The following ARHGAP5 variants were observed in gnomAD, a reference collection of about 807,000 sequenced individuals.
The protein encoded by ARHGAP5 is Rho GTPase activating protein 5.
ARHGAP5 carries 23 observed loss-of-function variants against 116.6 expected under a neutral mutation model. The ratio of observed to expected loss-of-function variants is 0.20; its 90% CI spans 0.14 to 0.28. The LOEUF (loss-of-function observed/expected upper bound fraction) is 0.28, where lower values mean the gene tolerates loss of function less well. Ranked by LOEUF, ARHGAP5 falls within the 10% of genes least tolerant of loss-of-function variation. ARHGAP5 has a pLI of 1.00. For missense variants in ARHGAP5, 1,405 were observed against 1,774.8 expected (o/e 0.79, Z 3.74); for synonymous variants, 574 against 602.0 (o/e 0.95, Z 0.68).
At chr14:32,087,627 A>T (rs991233172) in intron 1 of ARHGAP5, among the ~76,000 whole-genome samples, 22 of 151,998 alleles carry the variant, frequency 1.4e-4, no homozygotes, top group Non-Finnish European at 2.4e-4. Context: ...TTTCTGTCAC[A>T]GTTTGAAAAT....
At chr14:32,139,359 G>A (rs1880977252) in intron 3 of ARHGAP5, among the ~76,000 whole-genome samples, 2 of 151,770 alleles carry the variant, frequency 1.3e-5, no homozygotes, top group Admixed American at 6.6e-5. Context: ...TTGTTTTTGT[G>A]AGCTTTTGAT....
chr14:32,152,425 A>G lies in ARHGAP5; in HGVS notation c.4078A>G (p.Ile1360Val). The change falls in exon 6 of 7, where the codon ATC (isoleucine) becomes GTC (valine). Residue 1360 changes from isoleucine to valine, a missense_variant and splice_region_variant. Around this residue, in one of 6 missense-constraint regions of ARHGAP5, gnomAD observed 176 missense variants for 221.2 expected, o/e 0.80. Coordinates refer to ENST00000345122, the MANE Select transcript of ARHGAP5 (RefSeq NM_001030055.2). Reference protein sequence around the residue: ...LHPELLEAAKIPDKTERLHAL... With the variant: ...LHPELLEAAKVPDKTERLHAL... Reference sequence around the variant, plus strand: ...TCTTCACTGTTTTAATTTTACAGAAATCCCGGATAAAACAGAACGTCTTCA... The same window carrying G: ...TCTTCACTGTTTTAATTTTACAGAAGTCCCGGATAAAACAGAACGTCTTCA... 6.3e-7 allele frequency: 1 copy of G among 1,587,224 alleles called. No homozygotes were observed. Among genetic ancestry groups the G allele is most frequent in the Non-Finnish European group, 8.6e-7 (1 of 1,167,442 alleles).
intron 1 of ARHGAP5, among the ~76,000 whole-genome samples, chr14:32,080,047 C>T (rs1467106662): frequency 6.6e-6 from 1 of 152,094 alleles, no homozygotes; most frequent in Non-Finnish European, 1.5e-5. Flanking sequence ...TTTGAGTAAT[C>T]AGGCTCTTGT....
chr14:32,088,283 C>T (rs1265461818), intron 1 of ARHGAP5, among the ~76,000 whole-genome samples: 3 of 151,800 alleles, frequency 2.0e-5, no homozygotes, highest in Non-Finnish European at 4.4e-5. Flanking sequence ...TTTTACTGTA[C>T]TGTAAAAATT....
At chr14:32,119,671 GTACTC>G (rs1158869946) in intron 3 of ARHGAP5, among the ~76,000 whole-genome samples, 3 of 152,104 alleles carry the variant, frequency 2.0e-5, no homozygotes, top group Admixed American at 6.5e-5. Context: ...GGTTGAGAAA[GTACTC>G]TAACATTCCT....
At position 32,080,775 on chromosome 14, in the gene ARHGAP5, AT is replaced by A. The variant is rs113428317; in HGVS notation, c.-169+3350del. 1.0e-2 allele frequency among the ~76,000 whole-genome samples: 1,500 copies of A among 150,388 alleles called. 10 individuals are homozygous for A. Among genetic ancestry groups the A allele is most frequent in the African/African-American group, 0.018 (753 of 40,884 alleles). ...GATGTAAGAGAGACCAAAAAGGATAATTTTTTTTTTCCCCCCACTGTGTTTT... is the reference window on the plus strand; with the variant it reads ...GATGTAAGAGAGACCAAAAAGGATAATTTTTTTTTCCCCCCACTGTGTTTT... On this transcript the variant is annotated intron_variant, in intron 1 of 6. Transcript: ENST00000345122.
intron 1 of ARHGAP5, among the ~76,000 whole-genome samples, chr14:32,086,073 G>A (rs2041826515): frequency 6.6e-6 from 1 of 152,196 alleles, no homozygotes; most frequent in South Asian, 2.1e-4. Context: ...TTAAGAGTGG[G>A]ATGCGGAGAG....
At chr14:32,130,098 T>G (rs1274774597) in intron 3 of ARHGAP5, among the ~76,000 whole-genome samples, 1 of 151,442 alleles carries the variant, frequency 6.6e-6, no homozygotes, top group East Asian at 1.9e-4. Flanking sequence ...AAAATATATA[T>G]GTAATAAAAT....
chr14:32,096,923 T>C (rs1281785844), intron 2 of ARHGAP5, among the ~76,000 whole-genome samples: 1 of 152,172 alleles, frequency 6.6e-6, no homozygotes, highest in Non-Finnish European at 1.5e-5. Flanking sequence ...ACCCTTAACC[T>C]CAATTTTGAA....
chr14:32,079,402 C>G (rs2041749381), intron 1 of ARHGAP5, among the ~76,000 whole-genome samples: 2 of 152,108 alleles, frequency 1.3e-5, no homozygotes, highest in Admixed American at 1.3e-4. Context: ...ACGACCTTAG[C>G]AATTTTTAAA....
chr14:32,130,604 G>A (rs1296544607), intron 3 of ARHGAP5, among the ~76,000 whole-genome samples: 5 of 151,858 alleles, frequency 3.3e-5, no homozygotes, highest in African/African-American at 4.8e-5. Flanking sequence ...GCAGTGGCGC[G>A]ATCTCAGCTC....
At chr14:32,111,576 A>G (rs1051598692) in intron 2 of ARHGAP5, among the ~76,000 whole-genome samples, 1 of 152,194 alleles carries the variant, frequency 6.6e-6, no homozygotes, top group Admixed American at 6.5e-5. Flanking sequence ...TCTATAGATT[A>G]TTTGTATATA....
intron 3 of ARHGAP5, among the ~76,000 whole-genome samples, chr14:32,144,177 A>G (rs1881266195): frequency 1.3e-5 from 2 of 152,318 alleles, no homozygotes; most frequent in South Asian, 4.1e-4. Flanking sequence ...TGAGGAAGAA[A>G]TGTTTCAACT....
chr14:32,081,921 G>T (rs537038896), intron 1 of ARHGAP5, among the ~76,000 whole-genome samples: 38 of 152,210 alleles, frequency 2.5e-4, no homozygotes, highest in African/African-American at 8.7e-4. Flanking sequence ...TTGGTACCAG[G>T]GACTGGTTTT....
At chr14:32,130,387 GTT>G (rs758926640) in intron 3 of ARHGAP5, among the ~76,000 whole-genome samples, 7 of 132,858 alleles carry the variant, frequency 5.3e-5, no homozygotes, top group African/African-American at 1.1e-4. Context: ...AATTTTTTGG[GTT>G]TTTTTTTTTT....
At chr14:32,115,151 G>A (rs1274558553) in intron 2 of ARHGAP5, among the ~76,000 whole-genome samples, 6 of 152,122 alleles carry the variant, frequency 3.9e-5, no homozygotes, top group African/African-American at 1.4e-4. Context: ...TGTAGGAATC[G>A]TTGCTATACC....
At chr14:32,114,356 A>T (rs1594364657) in intron 2 of ARHGAP5, among the ~76,000 whole-genome samples, 1 of 152,204 alleles carries the variant, frequency 6.6e-6, no homozygotes, top group Non-Finnish European at 1.5e-5. Context: ...GTAGGCTGCA[A>T]TGCACCTTTG....
chr14:32,117,407 T>A, intron 3 of ARHGAP5, 120 bp downstream of exon 3: 1 of 889,192 alleles, frequency 1.1e-6, no homozygotes, highest in Non-Finnish European at 1.6e-6. Context: ...TATTTAGTAT[T>A]AACTCCATCT....
chr14:32,082,748 C>T (rs186830948), intron 1 of ARHGAP5, among the ~76,000 whole-genome samples: 2 of 152,198 alleles, frequency 1.3e-5, no homozygotes, highest in African/African-American at 2.4e-5. Context: ...CCATGTTGGT[C>T]GGGCTGGTCT....
Sources: gnomAD v4.1 joint callset for allele counts (sites outside exome capture counted in the v4.1 genomes callset) on GRCh38, gnomAD v4.1.1 for gene constraint, gnomAD v4.1.1 regional missense constraint, MANE v1.5 for transcripts, NCBI Gene and HGNC (gene_info 2026-07-23, HGNC 2026-07-21) for gene names.